The following LRRC8B variants were observed in gnomAD, a reference collection of about 807,000 sequenced individuals.
LRRC8B encodes volume-regulated anion channel subunit LRRC8B.
A neutral mutation model predicts 58.8 loss-of-function variants in LRRC8B; 23 were observed. That is an observed-to-expected ratio of 0.39 (90% CI 0.28 to 0.55). The LOEUF (loss-of-function observed/expected upper bound fraction) is 0.55, where lower values mean the gene tolerates loss of function less well. LRRC8B is among the 20% of genes least tolerant of loss of function. LRRC8B has a pLI of 0.62. For missense variants in LRRC8B, 694 were observed against 936.0 expected (o/e 0.74, Z 3.37); for synonymous variants, 359 against 374.1 (o/e 0.96, Z 0.47).
chr1:89,552,148 A>T (rs1029797155), intron 1 of LRRC8B, among the ~76,000 whole-genome samples: 2 of 152,206 alleles, frequency 1.3e-5, no homozygotes, highest in African/African-American at 2.4e-5. Flanking sequence ...TAGTTCAGGA[A>T]CTACCTTCTT....
chr1:89,537,784 T>A (rs1361814042), intron 1 of LRRC8B, among the ~76,000 whole-genome samples: 2 of 152,126 alleles, frequency 1.3e-5, no homozygotes, highest in Admixed American at 1.3e-4. Flanking sequence ...GGATTGGTGT[T>A]CTTATAAAGG....
intron 5 of LRRC8B, among the ~76,000 whole-genome samples, chr1:89,591,139 G>A (rs1298181850): frequency 6.6e-6 from 1 of 152,206 alleles, no homozygotes; most frequent in Non-Finnish European, 1.5e-5. Context: ...CAGCTAGCTG[G>A]GAGCCTGGCA....
At chr1:89,552,479 A>T (rs576218410) in intron 1 of LRRC8B, among the ~76,000 whole-genome samples, 1 of 152,332 alleles carries the variant, frequency 6.6e-6, no homozygotes, top group East Asian at 1.9e-4. Context: ...AATAACTCTC[A>T]CTATGTTTAG....
chr1:89,540,788 G>A (rs992511579), intron 1 of LRRC8B, among the ~76,000 whole-genome samples: 7 of 152,210 alleles, frequency 4.6e-5, no homozygotes, highest in African/African-American at 1.7e-4. Context: ...GCGAGACCAA[G>A]TAGGGCAGTG....
At chr1:89,559,855 C>T (rs543672417) in intron 1 of LRRC8B, among the ~76,000 whole-genome samples, 1 of 152,216 alleles carries the variant, frequency 6.6e-6, no homozygotes, top group South Asian at 2.1e-4. Flanking sequence ...TTCAAAGAGA[C>T]CAGTTTATGA....
At chr1:89,545,997 A>G (rs1289772667) in intron 1 of LRRC8B, among the ~76,000 whole-genome samples, 1 of 152,222 alleles carries the variant, frequency 6.6e-6, no homozygotes, top group East Asian at 1.9e-4. Context: ...GGAGCTGGGT[A>G]AATGGTATAT....
chr1:89,531,412 G>C (rs1418346898), intron 1 of LRRC8B, among the ~76,000 whole-genome samples: 1 of 152,210 alleles, frequency 6.6e-6, no homozygotes, highest in Admixed American at 6.5e-5. Flanking sequence ...ATACCATCTT[G>C]AGGTAACAGA....
intron 3 of LRRC8B, among the ~76,000 whole-genome samples, chr1:89,570,990 G>A (rs985224428): frequency 3.9e-5 from 6 of 151,986 alleles, no homozygotes; most frequent in Non-Finnish European, 8.8e-5. Flanking sequence ...CCCATTGCTT[G>A]TTTCTGTGTT....
At chr1:89,542,161 G>T (rs1474775586) in intron 1 of LRRC8B, among the ~76,000 whole-genome samples, 1 of 152,118 alleles carries the variant, frequency 6.6e-6, no homozygotes, top group Admixed American at 6.6e-5. Flanking sequence ...TGACATCTTG[G>T]TTATTATTTA....
intron 1 of LRRC8B, among the ~76,000 whole-genome samples, chr1:89,546,788 G>C (rs1651437590): frequency 2.0e-5 from 3 of 152,174 alleles, no homozygotes; most frequent in Non-Finnish European, 4.4e-5. Flanking sequence ...CCTCCTTCTT[G>C]CTGAAGCTAT....
In LRRC8B at chr1:89,583,434, A is replaced by G; in HGVS notation, c.784A>G (p.Ile262Val). The change falls in exon 5 of 6, where the codon ATA becomes GTA. Residue 262 changes from isoleucine (I) to valine (V), a missense_variant. By Grantham distance (29) the Ile-to-Val change is conservative (BLOSUM62 3). This residue lies in a region of LRRC8B where 316 missense variants were observed against 403.8 expected (regional missense o/e 0.78). Transcript: ENST00000330947. This position sits in a 1 kb window ranked among gnomAD's most constrained non-coding sequence, Gnocchi z 5.2. ...CATTTATAGAGTATATCTGAAACAG[A>G]TAATAGTCAAAGTCATTTTGTTTGT... ...DIIYRVYLKQ[I>V]IVKVILFVLI... The G allele has an allele frequency of 2.5e-6, 4 of 1,614,190 alleles. No individual in the cohort carries two copies. The highest frequency in any genetic ancestry group is 1.6e-4 in the Middle Eastern group (1 of 6,062).
chr1:89,533,911 C>A (rs748794118), intron 1 of LRRC8B, among the ~76,000 whole-genome samples: 2 of 152,188 alleles, frequency 1.3e-5, no homozygotes, highest in African/African-American at 4.8e-5. Context: ...GTACATTATA[C>A]ATGCTGTTGA....
intron 1 of LRRC8B, among the ~76,000 whole-genome samples, chr1:89,559,910 A>G (rs1304739735): frequency 1.3e-5 from 2 of 152,164 alleles, no homozygotes; most frequent in Non-Finnish European, 2.9e-5. Flanking sequence ...GGAAACCTAC[A>G]CCATTGTTTT....
chr1:89,565,319 A>G (rs973021541), intron 1 of LRRC8B, among the ~76,000 whole-genome samples: 2 of 152,226 alleles, frequency 1.3e-5, no homozygotes, highest in African/African-American at 4.8e-5. Context: ...TAAGATATTA[A>G]GGTCATTTTG....
chr1:89,589,765 C>G (rs1424927117), intron 5 of LRRC8B, among the ~76,000 whole-genome samples: 2 of 132,070 alleles, frequency 1.5e-5, no homozygotes, highest in African/African-American at 2.8e-5. Context: ...GTGTCAGTGG[C>G]CAGAAAAAAA....
At chr1:89,544,740 A>G (rs1651274470) in intron 1 of LRRC8B, among the ~76,000 whole-genome samples, 1 of 152,162 alleles carries the variant, frequency 6.6e-6, no homozygotes, top group East Asian at 1.9e-4. Flanking sequence ...CTACTGGAGG[A>G]AGAAAAAACC....
intron 5 of LRRC8B, among the ~76,000 whole-genome samples, chr1:89,591,047 G>T (rs1482312240): frequency 1.3e-5 from 2 of 152,182 alleles, no homozygotes; most frequent in Non-Finnish European, 2.9e-5. Context: ...TGTCAACAGT[G>T]CTGAGGCTGA....
At chr1:89,565,569 C>T (rs758703632) in intron 1 of LRRC8B, among the ~76,000 whole-genome samples, 37 of 152,198 alleles carry the variant, frequency 2.4e-4, no homozygotes, top group African/African-American at 7.5e-4. Context: ...GAGGCTCTGT[C>T]GCTGTCATTT....
Position 89,524,924 on chromosome 1 carries a change from A to C in LRRC8B, c.-339A>C, listed in dbSNP as rs1034470759. Reference sequence around the variant, plus strand: ...TCCCGCTGAGCCCGCAGCCTCCGGCAGCCGGGAAAGTGCGGGCGCGGGGCC... The same window carrying C: ...TCCCGCTGAGCCCGCAGCCTCCGGCCGCCGGGAAAGTGCGGGCGCGGGGCC... On this transcript the variant is annotated 5_prime_UTR_variant, in exon 1 of 6. Coordinates refer to ENST00000330947, the MANE Select transcript of LRRC8B (RefSeq NM_001369817.2). 6.6e-6 allele frequency: 1 copy of C among 152,186 alleles called. No homozygotes were observed. Among genetic ancestry groups the C allele is most frequent in the African/African-American group, 2.4e-5 (1 of 41,444 alleles). 9.4% of individuals were successfully genotyped at this position (152,186 alleles called of 1,614,324 possible).
Sources: allele counts gnomAD v4.1 joint callset (sites outside exome capture counted in the v4.1 genomes callset), GRCh38; gene constraint gnomAD v4.1.1; regional missense constraint gnomAD v4.1.1; non-coding constraint Gnocchi (gnomAD v3.1); transcripts MANE v1.5; gene names NCBI Gene and HGNC (gene_info 2026-07-23, HGNC 2026-07-21).